CFLAR: variants seen among roughly 807,000 people sequenced by gnomAD.
CFLAR encodes the protein CASP8 and FADD like apoptosis regulator, also known as CASP8 and FADD-like apoptosis regulator.
In CFLAR, 14 loss-of-function variants were observed where a neutral mutation model predicts 51.1. The observed-to-expected ratio is 0.27, with a 90% confidence interval of 0.18 to 0.43. The LOEUF (loss-of-function observed/expected upper bound fraction) is 0.43. Among genes scored for constraint, CFLAR ranks in the 20% least tolerant of loss-of-function variants. CFLAR has a pLI of 1.00. For missense variants in CFLAR, 390 were observed against 566.5 expected (o/e 0.69, Z 3.16); for synonymous variants, 210 against 211.6 (o/e 0.99, Z 0.06).
intron 9 of CFLAR, among the ~76,000 whole-genome samples, chr2:201,162,164 C>T (rs1197195656): frequency 2.0e-5 from 3 of 152,058 alleles, no homozygotes; most frequent in Non-Finnish European, 4.4e-5. Context: ...AGTGCAGTGG[C>T]ACACCTCGGC....
intron 6 of CFLAR, chr2:201,145,673 G>A: frequency 4.6e-6 from 2 of 431,494 alleles, no homozygotes; most frequent in Admixed American, 4.0e-5. Flanking sequence ...CGTATGTTAA[G>A]AGATGTGATG....
chr2:201,144,539 CTAT>C (rs1465541565), intron 5 of CFLAR, among the ~76,000 whole-genome samples: 4 of 152,188 alleles, frequency 2.6e-5, no homozygotes, highest in South Asian at 4.1e-4. Flanking sequence ...TGTAAGGTAT[CTAT>C]TATTATCCTC....
intron 7 of CFLAR, chr2:201,149,515 G>C (rs12721505): frequency 0.21 from 76,899 of 365,116 alleles, 9,881 homozygotes; most frequent in African/African-American, 0.41. Flanking sequence ...AATAAAGAGA[G>C]TGGGATTTTC....
At chr2:201,156,521 T>G (rs1221993604) in intron 8 of CFLAR, among the ~76,000 whole-genome samples, 2 of 152,236 alleles carry the variant, frequency 1.3e-5, no homozygotes, top group African/African-American at 4.8e-5. Flanking sequence ...TGAAGCCCTT[T>G]TCATAGAAAT....
At chr2:201,150,558 G>A (rs1388277595) in intron 8 of CFLAR, 2 of 152,212 alleles carry the variant, frequency 1.3e-5, no homozygotes, top group Non-Finnish European at 2.9e-5. Context: ...TCTCATTCAT[G>A]TCACAGGCTA....
At chr2:201,119,397 T>G (rs769041269) in intron 1 of CFLAR, among the ~76,000 whole-genome samples, 8 of 152,230 alleles carry the variant, frequency 5.3e-5, no homozygotes, top group Non-Finnish European at 4.4e-5. Context: ...ACAGCCTGAC[T>G]GGAGGAAGCC....
chr2:201,168,107 T>G lies in CFLAR; in HGVS notation c.*4134T>G, dbSNP rs899370439. The G allele has an allele frequency of 2.1e-4, 32 of 152,334 alleles. No homozygotes were observed. Among genetic ancestry groups the G allele is most frequent in the African/African-American group, 7.2e-4 (30 of 41,556 alleles). 9.4% of individuals were successfully genotyped at this position (152,334 alleles called of 1,614,324 possible). A position where few individuals can be genotyped will look rare whatever the true frequency, so the allele number is the denominator to read the frequency against. On this transcript the variant is annotated 3_prime_UTR_variant, in exon 10 of 10. Transcript: ENST00000309955. ...AATACAAAAAATTAGCCAGGCGTTG[T>G]GGCGGTCGCCTGTAGTCCCTGCTAT... is the stretch of plus-strand genomic sequence containing the variant.
intron 8 of CFLAR, chr2:201,154,211 C>G (rs1239237755): frequency 4.9e-6 from 1 of 203,042 alleles, no homozygotes; most frequent in East Asian, 1.8e-4. Context: ...CCTGCCTCAG[C>G]CTCCTGAGTA....
At chr2:201,131,884 G>A (rs2049369301) in intron 2 of CFLAR, among the ~76,000 whole-genome samples, 4 of 152,096 alleles carry the variant, frequency 2.6e-5, no homozygotes, top group South Asian at 2.1e-4. Context: ...CTTGTAAAGC[G>A]AAAAATAATA....
chr2:201,145,596 G>C, intron 6 of CFLAR, 164 bp downstream of exon 6: 1 of 577,682 alleles, frequency 1.7e-6, no homozygotes, highest in Non-Finnish European at 3.1e-6. Context: ...GGCATTTCTA[G>C]TTGTCTATTG....
In CFLAR at chr2:201,138,535, G is replaced by C; in HGVS notation, c.524-1822G>C. The C allele has an allele frequency of 8.3e-6, 13 of 1,567,650 alleles. No individual in the cohort carries two copies. The highest frequency in any genetic ancestry group is 1.1e-5 in the Non-Finnish European group (13 of 1,150,162). ...ATCCTTGGCATCATCACCTCACTGA[G>C]GAGGGTGGTGTGGTCCTTCTCAGCA... On this transcript the variant is annotated intron_variant, in intron 4 of 9. Coordinates refer to ENST00000309955, the MANE Select transcript of CFLAR (RefSeq NM_003879.7). The surrounding 1 kb of genome is among the most constrained non-coding windows in gnomAD (Gnocchi z 4.0).
chr2:201,160,727 A>C lies in CFLAR; in HGVS notation c.1089A>C (p.Ser363=). 1.2e-6 allele frequency: 2 copies of C among 1,614,150 alleles called. No individual in the cohort carries two copies. Among genetic ancestry groups the C allele is most frequent in the Non-Finnish European group, 1.7e-6 (2 of 1,180,026 alleles). ...KMFFIQNYVV[S]EGQLEDSSLL... ...TTTTTATTCAGAACTATGTGGTGTC[A>C]GAGGGCCAGCTGGAGGACAGCAGCC... The change falls in exon 9 of 10, where the codon TCA becomes TCC. Residue 363 remains serine (S), a synonymous_variant. Transcript: ENST00000309955.
intron 2 of CFLAR, among the ~76,000 whole-genome samples, chr2:201,132,430 A>AAAATAT (rs34318341): frequency 2.2e-5 from 3 of 137,960 alleles, no homozygotes; most frequent in African/African-American, 5.5e-5. Flanking sequence ...GGGGGGGAAA[A>AAAATAT]ATATATATAT....
chr2:201,172,367 T>C lies in CFLAR; in HGVS notation c.*8394T>C, dbSNP rs1944072673. ...TTATATTGGAAGTGTAAGTAGTTTG[T>C]GGCATGGGATTGTGACATATCCTAG... On this transcript the variant is annotated 3_prime_UTR_variant, in exon 10 of 10. Coordinates refer to ENST00000309955, the MANE Select transcript of CFLAR (RefSeq NM_003879.7). 6.6e-6 allele frequency: 1 copy of C among 152,226 alleles called. No individual in the cohort carries two copies. The highest frequency in any genetic ancestry group is 6.5e-5 in the Admixed American group (1 of 15,280). 9.4% of individuals were successfully genotyped at this position (152,226 alleles called of 1,614,324 possible). A position where few individuals can be genotyped will look rare whatever the true frequency, so the allele number is the denominator to read the frequency against.
chr2:201,150,391 T>G (rs7585993), intron 8 of CFLAR: 38,041 of 150,620 alleles, frequency 0.25, 5,621 homozygotes, highest in African/African-American at 0.41. Flanking sequence ...AGCTACATGG[T>G]AGGCTGAAGC....
At chr2:201,143,816 A>G (rs1939515025) in intron 5 of CFLAR, among the ~76,000 whole-genome samples, 1 of 151,552 alleles carries the variant, frequency 6.6e-6, no homozygotes, top group South Asian at 2.1e-4. Flanking sequence ...ACAAAAATTA[A>G]CCAGGCGCAG....
chr2:201,132,371 T>C (rs779643040), intron 2 of CFLAR, among the ~76,000 whole-genome samples: 1 of 151,356 alleles, frequency 6.6e-6, no homozygotes, highest in Non-Finnish European at 1.5e-5. Flanking sequence ...AGGGTGTCCT[T>C]AGGAGCCCCA....
intron 1 of CFLAR, among the ~76,000 whole-genome samples, chr2:201,125,079 T>C (rs1202914339): frequency 6.6e-6 from 1 of 152,180 alleles, no homozygotes; most frequent in African/African-American, 2.4e-5. Context: ...AGATAGATAA[T>C]ATTTTAATGC....
At chr2:201,141,478 C>T (rs920551436) in intron 5 of CFLAR, 8 of 1,534,878 alleles carry the variant, frequency 5.2e-6, no homozygotes, top group African/African-American at 2.8e-5. Context: ...ATGATTAAAT[C>T]GTTTCATTTT....
Sources: allele counts gnomAD v4.1 joint callset (sites outside exome capture counted in the v4.1 genomes callset), GRCh38; gene constraint gnomAD v4.1.1; non-coding constraint Gnocchi (gnomAD v3.1); transcripts MANE v1.5; gene names NCBI Gene and HGNC (gene_info 2026-07-23, HGNC 2026-07-21).